Variants in DLG2 observed in about 807,000 individuals in gnomAD.
DLG2 encodes discs large MAGUK scaffold protein 2.
Under a neutral mutation model 132.5 loss-of-function variants are expected in DLG2, and 45 were observed. That is an observed-to-expected ratio of 0.34 (90% confidence interval 0.27 to 0.44). DLG2 has a LOEUF of 0.44. DLG2 is among the 20% of genes least tolerant of loss of function. DLG2 has a pLI of 1.00. For missense variants in DLG2, 1,045 were observed against 1,196.9 expected (o/e 0.87, Z 1.87); for synonymous variants, 424 against 419.6 (o/e 1.01, Z -0.13).
intron 15 of DLG2, among the ~76,000 whole-genome samples, chr11:83,882,573 G>C (rs1003831034): frequency 2.6e-5 from 4 of 152,042 alleles, no homozygotes; most frequent in Non-Finnish European, 4.4e-5. Flanking sequence ...AAAATAAATT[G>C]GATATGCTTT....
intron 6 of DLG2, among the ~76,000 whole-genome samples, chr11:84,664,452 T>G (rs942498174): frequency 6.6e-6 from 1 of 152,194 alleles, no homozygotes; most frequent in Non-Finnish European, 1.5e-5. Flanking sequence ...GACAAATGTT[T>G]ATAGTGCTTT....
chr11:85,052,252 A>C (rs1157395381), intron 6 of DLG2, among the ~76,000 whole-genome samples: 2 of 152,220 alleles, frequency 1.3e-5, no homozygotes, highest in East Asian at 3.8e-4. Flanking sequence ...ATGAACAAAC[A>C]TCATCGTTGG....
chr11:83,532,900 T>TA, intron 20 of DLG2, 117 bp from the exon 21 acceptor site: 1 of 820,790 alleles, frequency 1.2e-6, no homozygotes, highest in Non-Finnish European at 1.9e-6. Flanking sequence ...AAATGTGTTC[T>TA]AAAATATTTC....
At chr11:83,530,457 G>A (rs1484660409) in intron 21 of DLG2, among the ~76,000 whole-genome samples, 2 of 151,424 alleles carry the variant, frequency 1.3e-5, no homozygotes, top group East Asian at 1.9e-4. Context: ...ACCATAACTT[G>A]TGATTCTGTA....
At chr11:84,920,049 T>C (rs1451857879) in intron 6 of DLG2, among the ~76,000 whole-genome samples, 2 of 152,190 alleles carry the variant, frequency 1.3e-5, no homozygotes, top group Non-Finnish European at 2.9e-5. Flanking sequence ...ACATAAATAA[T>C]GGACATTGAT....
chr11:84,509,916 A>C (rs895792551), intron 7 of DLG2, among the ~76,000 whole-genome samples: 4 of 151,930 alleles, frequency 2.6e-5, no homozygotes, highest in African/African-American at 9.7e-5. Flanking sequence ...AAAAACTTCA[A>C]TGGTTGAAAA....
At chr11:85,205,191 A>G (rs1046317588) in intron 4 of DLG2, among the ~76,000 whole-genome samples, 3 of 147,898 alleles carry the variant, frequency 2.0e-5, no homozygotes, top group East Asian at 1.9e-4. Flanking sequence ...ACAATGGAAT[A>G]TTATTCAGCC....
intron 17 of DLG2, among the ~76,000 whole-genome samples, chr11:83,796,382 C>G (rs997218450): frequency 2.0e-5 from 3 of 152,310 alleles, no homozygotes; most frequent in African/African-American, 7.2e-5. Flanking sequence ...CCTCTGATGG[C>G]TCACAAAACA....
At chr11:85,251,569 TAACAA>T (rs2076397855) in intron 4 of DLG2, among the ~76,000 whole-genome samples, 1 of 152,048 alleles carries the variant, frequency 6.6e-6, no homozygotes, top group East Asian at 1.9e-4. Flanking sequence ...AAATAATAAA[TAACAA>T]TTGGTGAGGC....
chr11:83,514,480 C>G (rs368932816), intron 21 of DLG2, among the ~76,000 whole-genome samples: 26 of 152,116 alleles, frequency 1.7e-4, no homozygotes, highest in East Asian at 7.7e-4. Context: ...TGCAAACAGG[C>G]ACAATTTGAC....
chr11:83,652,943 GCT>G (rs2071067365), intron 18 of DLG2, among the ~76,000 whole-genome samples: 1 of 152,158 alleles, frequency 6.6e-6, no homozygotes, highest in Admixed American at 6.5e-5. Flanking sequence ...TCTTTCAAAA[GCT>G]CTGTGTGGAA....
At chr11:84,758,817 G>A (rs914902257) in intron 6 of DLG2, among the ~76,000 whole-genome samples, 4 of 152,070 alleles carry the variant, frequency 2.6e-5, no homozygotes, top group African/African-American at 9.7e-5. Context: ...AAGTTGAAAA[G>A]CTCGTAAAGA....
intron 6 of DLG2, among the ~76,000 whole-genome samples, chr11:84,571,763 A>T (rs146207253): frequency 6.6e-6 from 1 of 152,136 alleles, no homozygotes; most frequent in Non-Finnish European, 1.5e-5. Flanking sequence ...AGATGGATGG[A>T]AAGTTTGATT....
intron 17 of DLG2, among the ~76,000 whole-genome samples, chr11:83,823,382 T>C (rs1218525273): frequency 6.6e-6 from 1 of 152,230 alleles, no homozygotes; most frequent in East Asian, 1.9e-4. Context: ...CATAAACATA[T>C]TTTAAATGAT....
intron 6 of DLG2, among the ~76,000 whole-genome samples, chr11:84,861,617 G>GA (rs2083652359): frequency 7.8e-5 from 1 of 12,786 alleles, no homozygotes; most frequent in Non-Finnish European, 1.5e-4. Flanking sequence ...CTTCTACACA[G>GA]CAAAAAAAAA....
rs116582400 is a variant in DLG2 at position 85,385,461 on chromosome 11, A to G, written c.41-100096T>C. On this transcript the variant is annotated intron_variant, in intron 3 of 27. Transcript: ENST00000376104. The stretch of plus-strand genomic sequence containing the variant: ...TCTTTATAAGGATGAATAAATAGAA[A>G]CTAGAATCAGAAGGAAAAACACAAA... 5.8e-4 allele frequency among the ~76,000 whole-genome samples: 88 copies of G among 152,316 alleles called. 1 individual carries two copies. The highest frequency in any genetic ancestry group is 2.0e-3 in the African/African-American group (84 of 41,556).
intron 12 of DLG2, among the ~76,000 whole-genome samples, chr11:83,980,232 T>C (rs2092663260): frequency 6.6e-6 from 1 of 152,042 alleles, no homozygotes; most frequent in South Asian, 2.1e-4. Context: ...GAGAGACAGA[T>C]CTCTCTCTGC....
At chr11:84,678,964 A>G (rs1198833153) in intron 6 of DLG2, among the ~76,000 whole-genome samples, 1 of 152,092 alleles carries the variant, frequency 6.6e-6, no homozygotes, top group Non-Finnish European at 1.5e-5. Flanking sequence ...ATTCTACATA[A>G]AAAAGTTCCT....
chr11:84,838,118 CT>C (rs2080072633), intron 6 of DLG2, among the ~76,000 whole-genome samples: 1 of 151,852 alleles, frequency 6.6e-6, no homozygotes, highest in South Asian at 2.1e-4. Context: ...ATTAACTAAG[CT>C]CCTATTACAA....
Sources: gnomAD v4.1 joint callset for allele counts (sites outside exome capture counted in the v4.1 genomes callset) on GRCh38, gnomAD v4.1.1 for gene constraint, MANE v1.5 for transcripts, NCBI Gene and HGNC (gene_info 2026-07-23, HGNC 2026-07-21) for gene names.